PRKAR2A: variants seen among roughly 807,000 people sequenced by gnomAD.
PRKAR2A encodes protein kinase cAMP-dependent type II regulatory subunit alpha.
A neutral mutation model predicts 51.9 loss-of-function variants in PRKAR2A; 29 were observed. The observed-to-expected ratio is 0.56, with a 90% CI of 0.42 to 0.76. The LOEUF (loss-of-function observed/expected upper bound fraction) is 0.76, where lower values mean the gene tolerates loss of function less well. PRKAR2A is among the 30% of genes least tolerant of loss of function. PRKAR2A has a pLI of 0.00. For synonymous variants in PRKAR2A, 178 were observed against 186.2 expected (o/e 0.96, Z 0.36); for missense variants, 445 against 512.1 (o/e 0.87, Z 1.26).
chr3:48,758,417 AC>A (rs2081808049), intron 8 of PRKAR2A, among the ~76,000 whole-genome samples: 1 of 150,828 alleles, frequency 6.6e-6, no homozygotes, highest in Non-Finnish European at 1.5e-5. Context: ...CCCCATCTCT[AC>A]CTAAACTACA....
At chr3:48,759,539 C>T (rs996228029) in intron 8 of PRKAR2A, among the ~76,000 whole-genome samples, 2 of 152,102 alleles carry the variant, frequency 1.3e-5, no homozygotes, top group African/African-American at 2.4e-5. Context: ...AGGCACGTGC[C>T]ACCACATTCA....
At chr3:48,829,987 C>T (rs2083161821) in intron 1 of PRKAR2A, among the ~76,000 whole-genome samples, 2 of 147,714 alleles carry the variant, frequency 1.4e-5, no homozygotes, top group Non-Finnish European at 3.0e-5. Flanking sequence ...CACCTGAGGT[C>T]AGGAGTTTGA....
intron 1 of PRKAR2A, among the ~76,000 whole-genome samples, chr3:48,830,807 G>A (rs1434186469): frequency 1.3e-5 from 2 of 152,154 alleles, no homozygotes; most frequent in African/African-American, 2.4e-5. Context: ...TCCCATCTGG[G>A]AGTGATGAAA....
intron 10 of PRKAR2A, 28 bp downstream of exon 10, chr3:48,752,146 GAA>G: frequency 6.3e-7 from 1 of 1,592,224 alleles, no homozygotes; most frequent in Non-Finnish European, 8.5e-7. Flanking sequence ...GTTAGAAAAA[GAA>G]TATTAATGCA....
At chr3:48,836,419 T>TAAAATAA (rs1398288509) in intron 1 of PRKAR2A, among the ~76,000 whole-genome samples, 1 of 56,136 alleles carries the variant, frequency 1.8e-5, no homozygotes, top group African/African-American at 9.0e-5. Flanking sequence ...AGACTCCGTC[T>TAAAATAA]AAAAAAAAAA....
At chr3:48,789,752 C>T (rs139353792) in intron 4 of PRKAR2A, among the ~76,000 whole-genome samples, 21 of 152,136 alleles carry the variant, frequency 1.4e-4, no homozygotes, top group African/African-American at 4.8e-4. Flanking sequence ...GGATTACAGG[C>T]ATGAGCCACC....
chr3:48,775,934 C>T (rs2082098532), intron 5 of PRKAR2A, among the ~76,000 whole-genome samples: 1 of 151,912 alleles, frequency 6.6e-6, no homozygotes, highest in South Asian at 2.1e-4. Flanking sequence ...CTGGTGAAAC[C>T]CCGTCTCTCC....
chr3:48,810,706 T>C (rs1259423286), intron 1 of PRKAR2A, among the ~76,000 whole-genome samples: 1 of 152,298 alleles, frequency 6.6e-6, no homozygotes, highest in South Asian at 2.1e-4. Flanking sequence ...TACATATATA[T>C]GTATATGTGC....
intron 1 of PRKAR2A, among the ~76,000 whole-genome samples, chr3:48,820,035 G>C (rs1338491842): frequency 6.6e-6 from 1 of 152,190 alleles, no homozygotes; most frequent in Non-Finnish European, 1.5e-5. Flanking sequence ...GTGTTCTTAA[G>C]CATGGTAACT....
At chr3:48,816,286 C>T (rs1221497182) in intron 1 of PRKAR2A, among the ~76,000 whole-genome samples, 1 of 152,068 alleles carries the variant, frequency 6.6e-6, no homozygotes, top group African/African-American at 2.4e-5. Flanking sequence ...GGTTCATTGT[C>T]TGTCTAGAGT....
chr3:48,833,367 T>TA (rs1162588815), intron 1 of PRKAR2A, among the ~76,000 whole-genome samples: 1 of 152,130 alleles, frequency 6.6e-6, no homozygotes, highest in African/African-American at 2.4e-5. Flanking sequence ...CATATTTCCT[T>TA]AAGAAGCGTC....
At chr3:48,818,525 G>A (rs1468038602) in intron 1 of PRKAR2A, among the ~76,000 whole-genome samples, 2 of 152,202 alleles carry the variant, frequency 1.3e-5, no homozygotes, top group Non-Finnish European at 2.9e-5. Context: ...AAGGCAGGGA[G>A]GACTGCTTGA....
chr3:48,845,632 C>A (rs2083449240), intron 1 of PRKAR2A, among the ~76,000 whole-genome samples: 1 of 152,210 alleles, frequency 6.6e-6, no homozygotes, highest in Non-Finnish European at 1.5e-5. Context: ...TCTTAACACT[C>A]TTGCGTAGAT....
intron 7 of PRKAR2A, 66 bp downstream of exon 7, chr3:48,765,182 A>G: frequency 1.3e-6 from 2 of 1,545,560 alleles, no homozygotes; most frequent in Admixed American, 1.7e-5. Context: ...TGAAAACCTA[A>G]CAACAGAATA....
At chr3:48,785,556 G>A (rs1029019684) in intron 4 of PRKAR2A, among the ~76,000 whole-genome samples, 12 of 150,990 alleles carry the variant, frequency 7.9e-5, no homozygotes, top group East Asian at 5.8e-4. Flanking sequence ...CACCGGGCCC[G>A]GCCTTAATTT....
At chr3:48,823,000 C>G (rs1369287996) in intron 1 of PRKAR2A, among the ~76,000 whole-genome samples, 1 of 151,724 alleles carries the variant, frequency 6.6e-6, no homozygotes, top group Non-Finnish European at 1.5e-5. Context: ...AAAAGCAATC[C>G]CTAAAGCATA....
intron 1 of PRKAR2A, among the ~76,000 whole-genome samples, chr3:48,832,302 A>AC (rs1559648568): frequency 6.6e-6 from 1 of 150,574 alleles, no homozygotes; most frequent in African/African-American, 2.4e-5. Context: ...ATCTCAAAAA[A>AC]AAAAAAAACA....
intron 4 of PRKAR2A, among the ~76,000 whole-genome samples, chr3:48,789,289 ACAGATAGTGTTGAACCCTACTGATG>A (rs1375950686): frequency 6.6e-6 from 1 of 152,112 alleles, no homozygotes; most frequent in East Asian, 1.9e-4. Context: ...GTCTGAAACC[ACAGATAGTGTTGAACCCTACTGATG>A]TCAATTGGAA....
At chr3:48,800,425 A>C (rs989881659) in intron 2 of PRKAR2A, among the ~76,000 whole-genome samples, 1 of 150,910 alleles carries the variant, frequency 6.6e-6, no homozygotes, top group African/African-American at 2.4e-5. Flanking sequence ...AGGCAGAAAA[A>C]TCGCTTGAAC....
Sources: allele counts gnomAD v4.1 joint callset (sites outside exome capture counted in the v4.1 genomes callset), GRCh38; gene constraint gnomAD v4.1.1; transcripts MANE v1.5; gene names NCBI Gene and HGNC (gene_info 2026-07-23, HGNC 2026-07-21).